UBE2E3: variants seen among roughly 807,000 people sequenced by gnomAD.
UBE2E3 encodes the protein ubiquitin conjugating enzyme E2 E3, also known as ubiquitin-conjugating enzyme E2 E3.
A neutral mutation model predicts 23.6 loss-of-function variants in UBE2E3; 5 were observed. The observed-to-expected ratio is 0.21, with a 90% CI of 0.11 to 0.44. The LOEUF (loss-of-function observed/expected upper bound fraction) is 0.44. Among genes scored for constraint, UBE2E3 ranks in the 20% least tolerant of loss-of-function variants. The pLI is 0.99. For missense variants in UBE2E3, 81 were observed against 249.8 expected, an observed-to-expected ratio of 0.32 and a Z score of 4.55; for synonymous variants, 78 against 87.5, an observed-to-expected ratio of 0.89 and a Z score of 0.60.
At chr2:181,054,671 CTG>C (rs1179093506) in intron 3 of UBE2E3, among the ~76,000 whole-genome samples, 5 of 151,810 alleles carry the variant, frequency 3.3e-5, no homozygotes, top group African/African-American at 1.2e-4. Context: ...TTCTCCAAGA[CTG>C]TTGCCTGCCT....
rs111539162 is a variant in UBE2E3 at position 180,985,246 on chromosome 2, A to T, written c.245+1153A>T. Among the ~76,000 whole-genome samples, 31 of 152,280 alleles carry T rather than the reference A, an allele frequency of 2.0e-4. 2 individuals are homozygous for T. The highest frequency in any genetic ancestry group is 7.0e-4 in the African/African-American group (29 of 41,568). ...AATTTTAAGGAGATGGTGGTATGTGAGATCTCAAAGTATTACTTAAGAGCT... is the reference window on the plus strand; with the variant it reads ...AATTTTAAGGAGATGGTGGTATGTGTGATCTCAAAGTATTACTTAAGAGCT... On this transcript the variant is annotated intron_variant, in intron 3 of 5. Transcript: ENST00000410062.
intron 3 of UBE2E3, among the ~76,000 whole-genome samples, chr2:180,986,413 A>G (rs1045604134): frequency 6.6e-6 from 1 of 152,138 alleles, no homozygotes; most frequent in South Asian, 2.1e-4. Context: ...TTGAGTAGGA[A>G]TTGGAATACT....
intron 3 of UBE2E3, among the ~76,000 whole-genome samples, chr2:180,997,065 T>C (rs1684844123): frequency 6.6e-6 from 1 of 152,002 alleles, no homozygotes. Flanking sequence ...ACAGGGAAAC[T>C]TGTGTTCTTA....
At chr2:181,034,322 A>G (rs1416858191) in intron 3 of UBE2E3, among the ~76,000 whole-genome samples, 1 of 152,242 alleles carries the variant, frequency 6.6e-6, no homozygotes, top group Non-Finnish European at 1.5e-5. Context: ...TGTGGCACAT[A>G]TACACCATGG....
chr2:181,021,357 CTTTT>C (rs5836764), intron 3 of UBE2E3, among the ~76,000 whole-genome samples: 2 of 144,972 alleles, frequency 1.4e-5, no homozygotes, highest in Non-Finnish European at 3.1e-5. Context: ...CTTTTCTCTT[CTTTT>C]TTTTTTGTTT....
chr2:181,006,209 A>G (rs1280551626), intron 3 of UBE2E3, among the ~76,000 whole-genome samples: 1 of 152,168 alleles, frequency 6.6e-6, no homozygotes, highest in Non-Finnish European at 1.5e-5. Context: ...AGTGAGAGCT[A>G]GAATTGAGCA....
intron 3 of UBE2E3, among the ~76,000 whole-genome samples, chr2:181,005,272 A>G (rs2105598553): frequency 6.6e-6 from 1 of 152,298 alleles, no homozygotes; most frequent in Non-Finnish European, 1.5e-5. Context: ...AGTACCTCCC[A>G]GCTGTGTTCT....
chr2:181,048,211 T>C (rs1162347189), intron 3 of UBE2E3, among the ~76,000 whole-genome samples: 1 of 152,174 alleles, frequency 6.6e-6, no homozygotes, highest in African/African-American at 2.4e-5. Flanking sequence ...TGTAGCGTTT[T>C]CTGTTTTATG....
rs1217704832 is a variant in UBE2E3 at position 181,026,995 on chromosome 2, T to G, written c.246-30698T>G. Among the ~76,000 whole-genome samples the G allele has an allele frequency of 3.9e-5, 6 of 152,082 alleles. No individual in the cohort carries two copies. In the East Asian group the frequency reaches 1.2e-3, roughly 29 times the overall value. Reference sequence around the variant, plus strand: ...CTAATCAGCTAGAAATATCTCTTCATGAAGGTAATTATTAGTAAAAAAATT... The same window carrying G: ...CTAATCAGCTAGAAATATCTCTTCAGGAAGGTAATTATTAGTAAAAAAATT... On this transcript the variant is annotated intron_variant, in intron 3 of 5. Transcript: ENST00000410062.
chr2:181,001,947 A>C (rs1455893383), intron 3 of UBE2E3, among the ~76,000 whole-genome samples: 2 of 152,210 alleles, frequency 1.3e-5, no homozygotes, highest in Non-Finnish European at 2.9e-5. Flanking sequence ...GTGTTTGTAC[A>C]TGTCTTTGCT....
intron 3 of UBE2E3, among the ~76,000 whole-genome samples, chr2:181,042,998 A>G (rs6745190): frequency 0.2 from 30,605 of 152,158 alleles, 3,555 homozygotes; most frequent in Middle Eastern, 0.33. Context: ...GTTCAGAAGA[A>G]CTTTCAGGAT....
At position 181,060,794 on chromosome 2, in the gene UBE2E3, T is replaced by C. The variant is rs1687126990; in HGVS notation, c.508T>C (p.Leu170=). 1 of 1,608,826 alleles carries C rather than the reference T, an allele frequency of 6.2e-7. No individual in the cohort carries two copies. Among genetic ancestry groups the C allele is most frequent in the African/African-American group, 1.3e-5 (1 of 74,300 alleles). ...SKVLLSICSL[L]TDCNPADPLV... is the part of the protein sequence containing the mutation. ...GGTTTTGCTGTCTATTTGTTCCCTT[T>C]TGACAGACTGCAACCCTGGTAAGCA... The change falls in exon 5 of 6, where the codon TTG becomes CTG. Residue 170 remains leucine, a synonymous_variant. Coordinates refer to ENST00000410062, the MANE Select transcript of UBE2E3 (RefSeq NM_006357.4).
chr2:181,058,048 C>T (rs987829258), intron 4 of UBE2E3, among the ~76,000 whole-genome samples: 9 of 151,612 alleles, frequency 5.9e-5, no homozygotes, highest in Non-Finnish European at 1.3e-4. Flanking sequence ...GTAAATAAAA[C>T]TATACCTTGC....
chr2:180,992,773 T>G (rs980131690), intron 3 of UBE2E3, among the ~76,000 whole-genome samples: 1 of 151,816 alleles, frequency 6.6e-6, no homozygotes, highest in Non-Finnish European at 1.5e-5. Flanking sequence ...GCAATTCTCC[T>G]GCCTCAGCCT....
At position 181,041,152 on chromosome 2, in the gene UBE2E3, G is replaced by A. The variant is rs1686483018; in HGVS notation, c.246-16541G>A. On this transcript the variant is annotated intron_variant, in intron 3 of 5. Coordinates refer to ENST00000410062, the MANE Select transcript of UBE2E3 (RefSeq NM_006357.4). ...AGTCCCAGCTACTTGGGTGGCTGAG[G>A]CAGGAGAATTGCTTGAACCCGGGAG... Among the ~76,000 whole-genome samples, 3 of 144,660 alleles carry A rather than the reference G, an allele frequency of 2.1e-5. No individual in the cohort carries two copies. In the East Asian group the frequency reaches 6.3e-4, roughly 30 times the overall value. The allele number at this position is 144,660 out of a possible 152,430, so 94.9% of individuals were successfully genotyped here.
chr2:181,030,725 G>A (rs1342982707), intron 3 of UBE2E3, among the ~76,000 whole-genome samples: 1 of 145,534 alleles, frequency 6.9e-6, no homozygotes, highest in African/African-American at 2.5e-5. Context: ...GGAAAAGGTG[G>A]AAATTAACTA....
intron 3 of UBE2E3, among the ~76,000 whole-genome samples, chr2:181,021,578 C>CCCTCCCTTCCTTCCTCCCTCCCTCCCTT (rs1685687890): frequency 3.5e-5 from 2 of 56,648 alleles, no homozygotes; most frequent in African/African-American, 7.6e-5. Flanking sequence ...CTTCCTCCCT[C>CCCTCCCTTCCTTCCTCCCTCCCTCCCTT]CCTCCCTTCC....
At chr2:181,049,623 T>C (rs1205419707) in intron 3 of UBE2E3, among the ~76,000 whole-genome samples, 1 of 152,030 alleles carries the variant, frequency 6.6e-6, no homozygotes, top group East Asian at 1.9e-4. Flanking sequence ...TTTATAGTAA[T>C]AGTTTTGAAG....
chr2:180,989,049 GTAT>G (rs1559111959), intron 3 of UBE2E3, among the ~76,000 whole-genome samples: 1 of 152,078 alleles, frequency 6.6e-6, no homozygotes, highest in Non-Finnish European at 1.5e-5. Flanking sequence ...CAGATAGTTT[GTAT>G]TATTAGTTTT....
Sources: allele counts gnomAD v4.1 joint callset (sites outside exome capture counted in the v4.1 genomes callset), GRCh38; gene constraint gnomAD v4.1.1; transcripts MANE v1.5; gene names NCBI Gene and HGNC (gene_info 2026-07-23, HGNC 2026-07-21).